Variants in SNAP29 observed in about 807,000 individuals in gnomAD.
SNAP29 encodes the protein synaptosome associated protein 29, also known as synaptosomal-associated protein 29.
SNAP29 carries 13 observed loss-of-function variants against 27.9 expected under a neutral mutation model. That is an observed-to-expected ratio of 0.47 (90% CI 0.30 to 0.74). The LOEUF is 0.74. SNAP29 is among the 30% of genes least tolerant of loss of function. The pLI, the probability that SNAP29 is intolerant of heterozygous loss-of-function variation, is 0.06. For synonymous variants in SNAP29, 119 were observed against 127.1 expected, an observed-to-expected ratio of 0.94 and a Z score of 0.43; for missense variants, 368 against 336.5, an observed-to-expected ratio of 1.09 and a Z score of -0.73.
chr22:20,884,605 C>G (rs766715294), intron 4 of SNAP29, among the ~76,000 whole-genome samples: 1 of 152,132 alleles, frequency 6.6e-6, no homozygotes, highest in Non-Finnish European at 1.5e-5. Context: ...CTCTCAGGAC[C>G]CTTGTGTTTC....
intron 2 of SNAP29, among the ~76,000 whole-genome samples, chr22:20,873,532 G>T (rs1928646999): frequency 6.6e-6 from 1 of 152,122 alleles, no homozygotes; most frequent in Non-Finnish European, 1.5e-5. Context: ...AGAAAGAACA[G>T]GCAGGCGAAG....
At chr22:20,867,368 G>A (rs1014441856) in intron 1 of SNAP29, among the ~76,000 whole-genome samples, 5 of 152,038 alleles carry the variant, frequency 3.3e-5, no homozygotes, top group African/African-American at 1.2e-4. Flanking sequence ...TACCTGGAGC[G>A]GTTGAGGCCT....
intron 1 of SNAP29, 135 bp from the exon 2 acceptor site, chr22:20,870,202 C>T (rs1223519483): frequency 2.7e-6 from 2 of 746,582 alleles, no homozygotes; most frequent in East Asian, 2.6e-5. Context: ...GGGTAGTGTG[C>T]CCCTCACAGA....
intron 2 of SNAP29, among the ~76,000 whole-genome samples, chr22:20,874,819 G>T (rs531411241): frequency 6.6e-6 from 1 of 151,990 alleles, no homozygotes; most frequent in African/African-American, 2.4e-5. Context: ...ATACATATCA[G>T]AAAGATGTTT....
intron 1 of SNAP29, 93 bp from the exon 2 acceptor site, chr22:20,870,242 TGA>T: frequency 3.7e-6 from 4 of 1,088,378 alleles, no homozygotes; most frequent in Middle Eastern, 2.7e-4. Context: ...ATGTGCCCAC[TGA>T]GAGTTTATGA....
In SNAP29 at chr22:20,881,046, A is replaced by G. The variant is rs1928878744; in HGVS notation, c.435-3A>G. The G allele has an allele frequency of 2.5e-6, 4 of 1,599,732 alleles. No individual in the cohort carries two copies. Among genetic ancestry groups the G allele is most frequent in the East Asian group, 2.2e-5 (1 of 44,804 alleles). Reference sequence around the variant, plus strand: ...TTTCTTTTTTGTGAACTTTTATCCAAAGATTGAAAGAAGCTATAAGTACAA... The same window carrying G: ...TTTCTTTTTTGTGAACTTTTATCCAGAGATTGAAAGAAGCTATAAGTACAA... On this transcript the variant is annotated splice_region_variant and splice_polypyrimidine_tract_variant and intron_variant, in intron 2 of 4. Transcript: ENST00000215730.
chr22:20,887,733 C>A lies in SNAP29; in HGVS notation c.674C>A (p.Thr225Lys). Residue 225 changes from threonine to lysine, a missense_variant, in exon 5 of 5, where the codon ACA (threonine) becomes AAA (lysine). Coordinates refer to ENST00000215730, the MANE Select transcript of SNAP29 (RefSeq NM_004782.4). ...AAGGACATAGCCCTGGGGATGCAGACAGAAATTGAGGAGCAAGATGACATT... is the reference window on the plus strand; with the variant it reads ...AAGGACATAGCCCTGGGGATGCAGAAAGAAATTGAGGAGCAAGATGACATT... The part of the protein sequence containing the change: ...RLKDIALGMQ[T>K]EIEEQDDILD... 6.2e-7 allele frequency: 1 copy of A among 1,614,110 alleles called. No individual in the cohort carries two copies. The highest frequency in any genetic ancestry group is 1.1e-5 in the South Asian group (1 of 91,084).
chr22:20,870,608 C>T, intron 2 of SNAP29, 75 bp downstream of exon 2: 3 of 1,358,162 alleles, frequency 2.2e-6, no homozygotes, highest in Non-Finnish European at 3.1e-6. Flanking sequence ...GACTTTCAGT[C>T]CACGTCAGTG....
Position 20,859,358 on chromosome 22 carries a change from G to A in SNAP29, c.237+11G>A. 1 of 1,581,602 alleles carries A rather than the reference G, an allele frequency of 6.3e-7. No homozygotes were observed. The highest frequency in any genetic ancestry group is 8.7e-7 in the Non-Finnish European group (1 of 1,150,442). On this transcript the variant is annotated intron_variant, in intron 1 of 4. Coordinates refer to ENST00000215730, the MANE Select transcript of SNAP29 (RefSeq NM_004782.4). ...GTCGCCTCTTCCGAGGTGAGCCTGGGGCAGGGCTGGTGTGGACTCGCCGGT... is the reference window on the plus strand; with the variant it reads ...GTCGCCTCTTCCGAGGTGAGCCTGGAGCAGGGCTGGTGTGGACTCGCCGGT...
rs145124246 is a variant in SNAP29, at chr22:20,871,297, A to G, written c.434+764A>G. 5.6e-3 allele frequency among the ~76,000 whole-genome samples: 846 copies of G among 151,612 alleles called. 5 individuals are homozygous for G. The highest frequency in any genetic ancestry group is 0.019 in the African/African-American group (785 of 41,326). ...TGAGACCAGCCTAGACAACATAGCA[A>G]AGACCCGTCTCTATAAAAACTAAAA... On this transcript the variant is annotated intron_variant, in intron 2 of 4. Coordinates refer to ENST00000215730, the MANE Select transcript of SNAP29 (RefSeq NM_004782.4).
chr22:20,870,582 T>A (rs773555944), intron 2 of SNAP29, 49 bp downstream of exon 2: 1 of 1,554,282 alleles, frequency 6.4e-7, no homozygotes, highest in East Asian at 2.3e-5. Flanking sequence ...AAGTGGGGAT[T>A]AGTGCAAATG....
chr22:20,859,092 C>A lies in SNAP29; in HGVS notation c.-19C>A. Reference sequence around the variant, plus strand: ...GGGCTCCTCCTTCTGTTTCCCAGACCGAGAGCCGCGCCGGCACCATGTCAG... The same window carrying A: ...GGGCTCCTCCTTCTGTTTCCCAGACAGAGAGCCGCGCCGGCACCATGTCAG... On this transcript the variant is annotated 5_prime_UTR_variant, in exon 1 of 5. Transcript: ENST00000215730. The A allele has an allele frequency of 6.3e-7, 1 of 1,578,710 alleles. No homozygotes were observed. Among genetic ancestry groups the A allele is most frequent in the South Asian group, 1.1e-5 (1 of 88,752 alleles).
chr22:20,881,658 G>C (rs1928895343), intron 3 of SNAP29, among the ~76,000 whole-genome samples: 1 of 152,202 alleles, frequency 6.6e-6, no homozygotes, highest in African/African-American at 2.4e-5. Context: ...AGTGAGCTGA[G>C]ATCACGCCAC....
intron 3 of SNAP29, 93 bp downstream of exon 3, chr22:20,881,227 C>T (rs1357630675): frequency 2.2e-6 from 2 of 890,328 alleles, no homozygotes; most frequent in Non-Finnish European, 3.7e-6. Flanking sequence ...GGCAACCTCT[C>T]TGGGGAGGTG....
chr22:20,874,058 G>A (rs1054383348), intron 2 of SNAP29, among the ~76,000 whole-genome samples: 2 of 149,864 alleles, frequency 1.3e-5, no homozygotes, highest in African/African-American at 4.9e-5. Flanking sequence ...AACGGAGCAC[G>A]AGGTCAGGAG....
In SNAP29 at chr22:20,888,708, A is replaced by G. The variant is rs1929083878; in HGVS notation, c.*872A>G. The stretch of plus-strand genomic sequence containing the variant: ...AGTATTGCACAGATGCAGCTGCACA[A>G]TGGTCTTCCTCCACCCCTCTGGGAA... On this transcript the variant is annotated 3_prime_UTR_variant, in exon 5 of 5. Coordinates refer to ENST00000215730, the MANE Select transcript of SNAP29 (RefSeq NM_004782.4). 2.6e-5 allele frequency: 4 copies of G among 152,318 alleles called. No homozygotes were observed. Among genetic ancestry groups the G allele is most frequent in the Admixed American group, 6.5e-5 (1 of 15,274 alleles). The allele number at this position is 152,318 out of a possible 1,614,324, so 9.4% of individuals were successfully genotyped here.
chr22:20,862,536 T>G (rs1346911694), intron 1 of SNAP29, among the ~76,000 whole-genome samples: 1 of 151,948 alleles, frequency 6.6e-6, no homozygotes, highest in Admixed American at 6.6e-5. Flanking sequence ...ATAGGGAAAG[T>G]TCTGGTCTCA....
intron 2 of SNAP29, among the ~76,000 whole-genome samples, chr22:20,877,107 C>A (rs1437883432): frequency 6.6e-6 from 1 of 152,214 alleles, no homozygotes; most frequent in East Asian, 1.9e-4. Flanking sequence ...ACTGTCTTAT[C>A]ACTTTTCTCA....
intron 1 of SNAP29, among the ~76,000 whole-genome samples, chr22:20,861,353 C>A (rs1601643434): frequency 6.6e-6 from 1 of 151,928 alleles, no homozygotes; most frequent in Admixed American, 6.6e-5. Flanking sequence ...ACCTCGTGAT[C>A]CACCACCTCG....
Sources: allele counts gnomAD v4.1 joint callset (sites outside exome capture counted in the v4.1 genomes callset), GRCh38; gene constraint gnomAD v4.1.1; transcripts MANE v1.5; gene names NCBI Gene and HGNC (gene_info 2026-07-23, HGNC 2026-07-21).